The following KDM4B variants were observed in gnomAD, a reference collection of about 807,000 sequenced individuals.
The protein encoded by KDM4B is lysine-specific demethylase 4B.
KDM4B carries 32 observed loss-of-function variants against 125.2 expected under a neutral mutation model. The ratio of observed to expected loss-of-function variants is 0.26; its 90% CI spans 0.19 to 0.34. KDM4B has a LOEUF of 0.34. Among genes scored for constraint, KDM4B ranks in the 10% least tolerant of loss-of-function variants. KDM4B has a pLI of 1.00. For missense variants in KDM4B, 1,190 were observed against 1,577.7 expected, an observed-to-expected ratio of 0.75 and a Z score of 4.16; for synonymous variants, 721 against 677.9, an observed-to-expected ratio of 1.06 and a Z score of -0.99.
Position 4,978,945 on chromosome 19 carries a change from T to C in KDM4B, c.-109+9715T>C, listed in dbSNP as rs139958785. On this transcript the variant is annotated intron_variant, in intron 1 of 22. Transcript: ENST00000159111. ...GGGTGGCCAGATGACCAGTGTCTCC[T>C]GCCCGCAGGGCCTCTTGGTGGAAGG... Among the ~76,000 whole-genome samples the C allele has an allele frequency of 2.9e-3, 441 of 152,280 alleles. 15 individuals are homozygous for C. The highest frequency in any genetic ancestry group is 0.025 in the Admixed American group (380 of 15,298).
chr19:5,110,898 C>A, intron 10 of KDM4B, 80 bp downstream of exon 10: 1 of 1,151,034 alleles, frequency 8.7e-7, no homozygotes, highest in Non-Finnish European at 1.2e-6. Context: ...CCCCTTCCCA[C>A]TGGCAGGGGC....
chr19:5,070,109 C>T (rs900931272), intron 6 of KDM4B, among the ~76,000 whole-genome samples: 4 of 152,084 alleles, frequency 2.6e-5, no homozygotes, highest in Non-Finnish European at 5.9e-5. Context: ...GAGTTGGGGT[C>T]GAGGATGGGA....
intron 1 of KDM4B, among the ~76,000 whole-genome samples, chr19:4,990,829 C>CT (rs1379073936): frequency 1.3e-5 from 2 of 151,718 alleles, no homozygotes; most frequent in Non-Finnish European, 2.9e-5. Context: ...TTTTAAAAAA[C>CT]TTTATTATGG....
At chr19:5,147,738 G>A (rs1236973229) in intron 21 of KDM4B, among the ~76,000 whole-genome samples, 2 of 119,154 alleles carry the variant, frequency 1.7e-5, no homozygotes, top group African/African-American at 3.4e-5. Context: ...ACAAAGCCCT[G>A]TCTCAAAAAA....
chr19:5,039,823 C>G lies in KDM4B; in HGVS notation c.142-13C>G. 1.2e-6 allele frequency: 2 copies of G among 1,610,500 alleles called. No individual in the cohort carries two copies. The highest frequency in any genetic ancestry group is 2.2e-5 in the East Asian group (1 of 44,830). On this transcript the variant is annotated splice_polypyrimidine_tract_variant and intron_variant, in intron 3 of 22. Transcript: ENST00000159111. ...GTCTGAGGGTGCCACTGACTCCCAT[C>G]TTGGTCTTGCAGATCATCCCCCCGA...
At chr19:5,111,766 AC>A in intron 10 of KDM4B, 1 of 765,126 alleles carries the variant, frequency 1.3e-6, no homozygotes, top group Non-Finnish European at 2.4e-6. Flanking sequence ...TGACTTGGCG[AC>A]TTTGCAGGCC....
intron 9 of KDM4B, among the ~76,000 whole-genome samples, chr19:5,102,853 A>G (rs2038964549): frequency 6.6e-6 from 1 of 152,172 alleles, no homozygotes; most frequent in Admixed American, 6.5e-5. Flanking sequence ...AGAGCTCTTC[A>G]CGTCCGGTGC....
chr19:5,020,748 T>C (rs1201204914), intron 2 of KDM4B, among the ~76,000 whole-genome samples: 1 of 152,252 alleles, frequency 6.6e-6, no homozygotes, highest in Non-Finnish European at 1.5e-5. Context: ...CTAGGTTTCC[T>C]TGTTCAGGCC....
chr19:5,150,322 C>T (rs910397495), intron 21 of KDM4B, 36 bp from the exon 22 acceptor site: 2 of 1,522,438 alleles, frequency 1.3e-6, no homozygotes, highest in Non-Finnish European at 1.8e-6. Context: ...GCCATCCTGG[C>T]AGTGCCAGGC....
intron 1 of KDM4B, among the ~76,000 whole-genome samples, chr19:4,994,018 C>CTTTTTTTTTTTTTTTTTTTTTTT (rs1568212929): frequency 9.0e-6 from 1 of 110,656 alleles, no homozygotes; most frequent in African/African-American, 3.3e-5. Flanking sequence ...TATTTTCAGC[C>CTTTTTTTTTTTTTTTTTTTTTTT]TGTTTTTTTT....
intron 1 of KDM4B, among the ~76,000 whole-genome samples, chr19:5,006,686 T>TGGGAACC (rs1233581360): frequency 4.0e-5 from 6 of 151,842 alleles, no homozygotes; most frequent in Non-Finnish European, 7.4e-5. Context: ...GGCGGGAGAA[T>TGGGAACC]TGCTTGAACC....
intron 9 of KDM4B, among the ~76,000 whole-genome samples, chr19:5,092,395 C>A (rs1465711184): frequency 6.6e-6 from 1 of 152,242 alleles, no homozygotes; most frequent in Non-Finnish European, 1.5e-5. Flanking sequence ...ACCTGGGTCT[C>A]CAGGCTCCCT....
At chr19:5,044,986 G>A (rs2036978563) in intron 5 of KDM4B, among the ~76,000 whole-genome samples, 1 of 152,200 alleles carries the variant, frequency 6.6e-6, no homozygotes, top group African/African-American at 2.4e-5. Flanking sequence ...CAGTGTGCCT[G>A]CTCATTCACC....
chr19:5,119,248 TCTA>T (rs2039313785), intron 10 of KDM4B: 1 of 1,413,014 alleles, frequency 7.1e-7, no homozygotes, highest in African/African-American at 1.4e-5. Context: ...CCGTTTGTCG[TCTA>T]GGCATTTTCC....
At chr19:5,144,949 C>T (rs1449193927) in intron 21 of KDM4B, 47 bp downstream of exon 21, 3 of 1,610,910 alleles carry the variant, frequency 1.9e-6, no homozygotes, top group Non-Finnish European at 2.5e-6. Context: ...CCAAGCTCTT[C>T]TTGTAGGTGC....
At chr19:5,011,160 T>C (rs2035715218) in intron 1 of KDM4B, among the ~76,000 whole-genome samples, 1 of 152,038 alleles carries the variant, frequency 6.6e-6, no homozygotes, top group African/African-American at 2.4e-5. Context: ...GGGCTCAGCT[T>C]GTATATTCTG....
chr19:5,111,764 C>T (rs770694482), intron 10 of KDM4B: 9 of 764,940 alleles, frequency 1.2e-5, no homozygotes, highest in Middle Eastern at 4.5e-4. Flanking sequence ...TGTGACTTGG[C>T]GACTTTGCAG....
chr19:4,973,842 A>C (rs1049628969), intron 1 of KDM4B, among the ~76,000 whole-genome samples: 3 of 150,056 alleles, frequency 2.0e-5, no homozygotes, highest in Non-Finnish European at 3.0e-5. Context: ...AAAAAAAAAA[A>C]AAACTGGCTG....
chr19:5,136,921 G>A (rs2039658137), intron 15 of KDM4B, among the ~76,000 whole-genome samples: 2 of 152,208 alleles, frequency 1.3e-5, no homozygotes, highest in African/African-American at 4.8e-5. Context: ...AGGAGCTGCT[G>A]TTGGGGGTGC....
Sources: gnomAD v4.1 joint callset for allele counts (sites outside exome capture counted in the v4.1 genomes callset) on GRCh38, gnomAD v4.1.1 for gene constraint, MANE v1.5 for transcripts, NCBI Gene and HGNC (gene_info 2026-07-23, HGNC 2026-07-21) for gene names.